CACNA1B: variants seen among roughly 807,000 people sequenced by gnomAD.
The protein encoded by CACNA1B is voltage-dependent N-type calcium channel subunit alpha-1B.
CACNA1B carries 70 observed loss-of-function variants against 247.2 expected under a neutral mutation model. The observed-to-expected ratio is 0.28, with a 90% CI of 0.23 to 0.35. CACNA1B has a LOEUF of 0.35. Among genes scored for constraint, CACNA1B ranks in the 10% least tolerant of loss-of-function variants. The pLI, the probability that CACNA1B is intolerant of heterozygous loss-of-function variation, is 1.00. For synonymous variants in CACNA1B, 1,231 were observed against 1,294.4 expected (o/e 0.95, Z 1.05); for missense variants, 2,367 against 3,197.4 (o/e 0.74, Z 6.26).
chr9:137,971,704 G>T lies in CACNA1B; in HGVS notation c.1543+112G>T, dbSNP rs776569877. The T allele has an allele frequency of 2.4e-6, 2 of 837,638 alleles. No individual in the cohort carries two copies. Among genetic ancestry groups the T allele is most frequent in the Non-Finnish European group, 3.8e-6 (2 of 527,622 alleles). The allele number at this position is 837,638 out of a possible 1,614,324, so 51.9% of individuals were successfully genotyped here. A position where few individuals can be genotyped will look rare whatever the true frequency, so the allele number is the denominator to read the frequency against. ...CAGGTGGGACGGGACCCACCCCCAT[G>T]TTGCTCAAAGTATCCCACAGCCCTA... is the stretch of plus-strand genomic sequence containing the variant. On this transcript the variant is annotated intron_variant, in intron 11 of 46. Coordinates refer to ENST00000371372, the MANE Select transcript of CACNA1B (RefSeq NM_000718.4). The surrounding 1 kb of genome is among the most constrained non-coding windows in gnomAD (Gnocchi z 4.4).
At chr9:138,093,087 A>C (rs1293052626) in intron 36 of CACNA1B, among the ~76,000 whole-genome samples, 1 of 152,204 alleles carries the variant, frequency 6.6e-6, no homozygotes, top group East Asian at 1.9e-4. Flanking sequence ...CTTCACACCC[A>C]GTAGAATTGG....
intron 3 of CACNA1B, among the ~76,000 whole-genome samples, chr9:137,898,516 T>A (rs927892870): frequency 2.0e-5 from 3 of 152,016 alleles, no homozygotes; most frequent in African/African-American, 7.3e-5. Context: ...TCTTTCTTTT[T>A]ATTTTTTGAG....
chr9:138,035,885 T>C (rs990243274), intron 20 of CACNA1B, among the ~76,000 whole-genome samples: 2 of 152,234 alleles, frequency 1.3e-5, no homozygotes, highest in South Asian at 2.1e-4. Context: ...TTTAGTTATA[T>C]ATTGAAAGTT....
At position 137,925,547 on chromosome 9, in the gene CACNA1B, G is replaced by C. The variant is rs184009313; in HGVS notation, c.966+8116G>C. Among the ~76,000 whole-genome samples the C allele has an allele frequency of 9.2e-5, 14 of 152,258 alleles. No homozygotes were observed. The East Asian group carries it at 2.5e-3, about 27-fold the overall frequency. On this transcript the variant is annotated intron_variant, in intron 6 of 46. Coordinates refer to ENST00000371372, the MANE Select transcript of CACNA1B (RefSeq NM_000718.4). ...ATTGCTAGTATATAGAAATACAATG[G>C]ACTTTTGTATGTTGATCTTGATCAT... is the stretch of plus-strand genomic sequence containing the variant.
chr9:138,109,083 T>A (rs1211479914), intron 39 of CACNA1B, among the ~76,000 whole-genome samples: 1 of 152,250 alleles, frequency 6.6e-6, no homozygotes, highest in African/African-American at 2.4e-5. Context: ...TCTCAATAGG[T>A]ATAGAAAAAG....
intron 36 of CACNA1B, among the ~76,000 whole-genome samples, chr9:138,091,934 C>T (rs991757887): frequency 5.9e-5 from 9 of 152,246 alleles, no homozygotes; most frequent in Admixed American, 2.0e-4. Flanking sequence ...GTGACATCAC[C>T]TATTGGTAGG....
At chr9:137,940,325 A>T (rs1473923820) in intron 6 of CACNA1B, among the ~76,000 whole-genome samples, 1 of 152,210 alleles carries the variant, frequency 6.6e-6, no homozygotes, top group Non-Finnish European at 1.5e-5. Context: ...CCTAGAGGAG[A>T]TGGATAAATT....
intron 6 of CACNA1B, among the ~76,000 whole-genome samples, chr9:137,949,517 TGTGTGTG>T: frequency 6.7e-6 from 1 of 148,382 alleles, no homozygotes; most frequent in East Asian, 2.1e-4. Flanking sequence ...GATGTGTGTC[TGTGTGTG>T]ATGTGTGTCT....
In CACNA1B at chr9:138,106,132, C is replaced by T. The variant is rs1961416711; in HGVS notation, c.5428+325C>T. Reference sequence around the variant, plus strand: ...GTCAAGCCTCACCACAGCCAGCGCCCTCCCTGGGGACGAGCCTGCATGCCC... The same window carrying T: ...GTCAAGCCTCACCACAGCCAGCGCCTTCCCTGGGGACGAGCCTGCATGCCC... On this transcript the variant is annotated intron_variant, in intron 39 of 46. Coordinates refer to ENST00000371372, the MANE Select transcript of CACNA1B (RefSeq NM_000718.4). Among the ~76,000 whole-genome samples the T allele has an allele frequency of 2.6e-5, 4 of 152,312 alleles. No homozygotes were observed. In the South Asian group the frequency reaches 6.2e-4, roughly 24 times the overall value.
intron 15 of CACNA1B, among the ~76,000 whole-genome samples, chr9:137,988,973 G>A (rs1003115376): frequency 4.6e-5 from 7 of 152,210 alleles, no homozygotes; most frequent in Non-Finnish European, 1.5e-5. Flanking sequence ...GGGGCAGGGA[G>A]GGCATGTGAG....
Position 138,121,932 on chromosome 9 carries a change from T to G in CACNA1B, c.6953T>G (p.Leu2318Arg). Residue 2318 changes from leucine (L) to arginine (R), a missense_variant, in exon 47 of 47, where the codon CTG becomes CGG. Leu to Arg is a moderately radical substitution (Grantham distance 102, BLOSUM62 -2). This residue lies in a region of CACNA1B where 773 missense variants were observed against 779.4 expected (regional missense o/e 0.99). Coordinates refer to ENST00000371372, the MANE Select transcript of CACNA1B (RefSeq NM_000718.4). This position sits in a 1 kb window ranked among gnomAD's most constrained non-coding sequence, Gnocchi z 6.8. ...GTGCCCAACGGTTACCACTGCACCC[T>G]GGGACTCAGCTCGGGTGGCCGAGCA... ...RRVPNGYHCT[L>R]GLSSGGRARH... 1 of 1,609,162 alleles carries G rather than the reference T, an allele frequency of 6.2e-7. No homozygotes were observed. Among genetic ancestry groups the G allele is most frequent in the Non-Finnish European group, 8.5e-7 (1 of 1,179,826 alleles).
At chr9:137,906,606 T>A (rs1420006221) in intron 3 of CACNA1B, among the ~76,000 whole-genome samples, 6 of 152,100 alleles carry the variant, frequency 3.9e-5, no homozygotes, top group African/African-American at 1.4e-4. Context: ...CTGTGTGATG[T>A]CTTAACATAC....
At chr9:137,984,829 G>A (rs1958337669) in intron 13 of CACNA1B, among the ~76,000 whole-genome samples, 1 of 152,230 alleles carries the variant, frequency 6.6e-6, no homozygotes, top group South Asian at 2.1e-4. Context: ...GTGAGTTGCT[G>A]CAGTTTGCCT....
intron 39 of CACNA1B, 102 bp from the exon 40 acceptor site, chr9:138,112,296 C>T: frequency 1.3e-6 from 1 of 777,226 alleles, no homozygotes; most frequent in Non-Finnish European, 2.2e-6. Flanking sequence ...TCCGCCTACA[C>T]CATTCATCTC....
chr9:137,886,264 G>A (rs1389680714), intron 3 of CACNA1B, among the ~76,000 whole-genome samples: 4 of 151,252 alleles, frequency 2.6e-5, no homozygotes, highest in Non-Finnish European at 1.5e-5. Context: ...GTCTGACATG[G>A]GGGCCTCCAG....
At chr9:138,005,803 G>C (rs1225210075) in intron 15 of CACNA1B, among the ~76,000 whole-genome samples, 1 of 152,182 alleles carries the variant, frequency 6.6e-6, no homozygotes, top group Non-Finnish European at 1.5e-5. Context: ...CAGCACTTTG[G>C]GAGGCCGAGG....
At chr9:138,081,492 T>C (rs1960522156) in intron 36 of CACNA1B, among the ~76,000 whole-genome samples, 1 of 144,166 alleles carries the variant, frequency 6.9e-6, no homozygotes, top group Non-Finnish European at 1.5e-5. Context: ...ATGGAAAAAA[T>C]GGGACTGTGA....
chr9:137,996,245 T>C (rs1368998329), intron 15 of CACNA1B, among the ~76,000 whole-genome samples: 5 of 152,140 alleles, frequency 3.3e-5, no homozygotes, highest in Non-Finnish European at 5.9e-5. Context: ...ATTGCAAAAA[T>C]ATGGAACCAA....
intron 3 of CACNA1B, among the ~76,000 whole-genome samples, chr9:137,902,653 TC>T (rs1278929934): frequency 6.6e-6 from 1 of 152,248 alleles, no homozygotes; most frequent in Non-Finnish European, 1.5e-5. Flanking sequence ...ACTGCCACCA[TC>T]CTGTGATATC....
Sources: allele counts gnomAD v4.1 joint callset (sites outside exome capture counted in the v4.1 genomes callset), GRCh38; gene constraint gnomAD v4.1.1; regional missense constraint gnomAD v4.1.1; non-coding constraint Gnocchi (gnomAD v3.1); transcripts MANE v1.5; gene names NCBI Gene and HGNC (gene_info 2026-07-23, HGNC 2026-07-21).